The following MCU variants were observed in gnomAD, a reference collection of about 807,000 sequenced individuals.
The protein encoded by MCU is mitochondrial calcium uniporter.
MCU carries 12 observed loss-of-function variants against 45.2 expected under a neutral mutation model. The observed-to-expected ratio is 0.27, with a 90% confidence interval of 0.17 to 0.43. The LOEUF is 0.43. Ranked by LOEUF, MCU falls within the 20% of genes least tolerant of loss-of-function variation. The pLI is 1.00. For synonymous variants in MCU, 160 were observed against 165.1 expected (o/e 0.97, Z 0.24); for missense variants, 324 against 436.7 (o/e 0.74, Z 2.30).
At chr10:72,807,900 T>G (rs1442900301) in intron 1 of MCU, among the ~76,000 whole-genome samples, 3 of 152,264 alleles carry the variant, frequency 2.0e-5, no homozygotes, top group Non-Finnish European at 4.4e-5. Flanking sequence ...CTGTCCAGAT[T>G]CTGTTTACTT....
intron 1 of MCU, among the ~76,000 whole-genome samples, chr10:72,755,146 ATTT>A (rs11397520): frequency 2.4e-5 from 3 of 123,646 alleles, no homozygotes; most frequent in African/African-American, 3.1e-5. Context: ...TGAACCTGAG[ATTT>A]TTTTTTTTTT....
chr10:72,737,076 G>C (rs1843261368), intron 1 of MCU, among the ~76,000 whole-genome samples: 1 of 152,206 alleles, frequency 6.6e-6, no homozygotes, highest in Admixed American at 6.5e-5. Context: ...AATGGCCACA[G>C]ACATTTTTCT....
chr10:72,823,357 G>C (rs765235850), intron 1 of MCU, among the ~76,000 whole-genome samples: 1 of 152,166 alleles, frequency 6.6e-6, no homozygotes, highest in East Asian at 1.9e-4. Flanking sequence ...ATGCAAATAA[G>C]CATCTGCTGG....
At chr10:72,696,161 CA>C (rs58694098) in intron 1 of MCU, among the ~76,000 whole-genome samples, 395 of 30,646 alleles carry the variant, frequency 0.013, no homozygotes, top group Middle Eastern at 0.062. Flanking sequence ...AACTCCGACT[CA>C]AAAAAAAAAA....
At chr10:72,737,439 T>C (rs184535499) in intron 1 of MCU, among the ~76,000 whole-genome samples, 1 of 152,214 alleles carries the variant, frequency 6.6e-6, no homozygotes, top group Non-Finnish European at 1.5e-5. Flanking sequence ...TAATTTGAAA[T>C]GTAAAGAGAG....
intron 1 of MCU, among the ~76,000 whole-genome samples, chr10:72,807,386 A>G (rs1002969864): frequency 1.3e-5 from 2 of 152,004 alleles, no homozygotes; most frequent in Non-Finnish European, 2.9e-5. Context: ...AAAAAAAAAA[A>G]GTGACAGTGC....
At chr10:72,871,667 C>A in intron 6 of MCU, 87 bp downstream of exon 6, 1 of 1,164,392 alleles carries the variant, frequency 8.6e-7, no homozygotes, top group Non-Finnish European at 1.3e-6. Context: ...CTTCTAAAGC[C>A]AGTTTTCTTT....
chr10:72,878,392 A>T (rs564260005), intron 6 of MCU, among the ~76,000 whole-genome samples: 21 of 152,062 alleles, frequency 1.4e-4, no homozygotes, highest in African/African-American at 5.1e-4. Flanking sequence ...AAAGTGCTGG[A>T]TTACAGGCAT....
chr10:72,844,977 G>A (rs1845099497), intron 2 of MCU, among the ~76,000 whole-genome samples: 1 of 152,028 alleles, frequency 6.6e-6, no homozygotes, highest in Non-Finnish European at 1.5e-5. Context: ...ACATGAAAGA[G>A]TAAAGCTATA....
intron 1 of MCU, among the ~76,000 whole-genome samples, chr10:72,711,739 T>G (rs1842897441): frequency 1.6e-5 from 2 of 127,488 alleles, no homozygotes; most frequent in South Asian, 2.5e-4. Flanking sequence ...TGAGACAGAG[T>G]CTCACTCTGT....
intron 1 of MCU, among the ~76,000 whole-genome samples, chr10:72,774,122 A>G (rs754112634): frequency 6.6e-5 from 10 of 152,216 alleles, no homozygotes; most frequent in Admixed American, 2.0e-4. Flanking sequence ...TCTTACTGCA[A>G]TTGTGGTGTG....
chr10:72,699,836 C>A (rs542724963), intron 1 of MCU, among the ~76,000 whole-genome samples: 11 of 151,942 alleles, frequency 7.2e-5, no homozygotes, highest in Non-Finnish European at 1.5e-4. Flanking sequence ...AGATGATCTG[C>A]GTGTCTTGGC....
At chr10:72,811,464 GAAT>G (rs1264528775) in intron 1 of MCU, among the ~76,000 whole-genome samples, 1 of 152,164 alleles carries the variant, frequency 6.6e-6, no homozygotes, top group African/African-American at 2.4e-5. Flanking sequence ...CTACTAATCT[GAAT>G]AATAAGACTT....
chr10:72,859,469 CTT>C, intron 3 of MCU, 122 bp downstream of exon 3: 1 of 857,292 alleles, frequency 1.2e-6, no homozygotes, highest in East Asian at 2.7e-5. Context: ...CTTCAGAAAA[CTT>C]TTTTCTTTTG....
intron 1 of MCU, among the ~76,000 whole-genome samples, chr10:72,753,901 A>T (rs1843537656): frequency 6.6e-6 from 1 of 151,212 alleles, no homozygotes; most frequent in Non-Finnish European, 1.5e-5. Context: ...AAAAAACAAA[A>T]CACACACACA....
At chr10:72,860,126 C>A in intron 3 of MCU, 1 of 306,528 alleles carries the variant, frequency 3.3e-6, no homozygotes, top group South Asian at 4.0e-5. Context: ...AGTATTAAGC[C>A]CATACAGCTG....
At chr10:72,873,357 ACT>A (rs1845575436) in intron 6 of MCU, among the ~76,000 whole-genome samples, 2 of 151,544 alleles carry the variant, frequency 1.3e-5, no homozygotes, top group Admixed American at 1.3e-4. Context: ...ATGATTAGTG[ACT>A]CTGAGCATTT....
At chr10:72,784,667 C>G (rs1469683534) in intron 1 of MCU, among the ~76,000 whole-genome samples, 1 of 152,160 alleles carries the variant, frequency 6.6e-6, no homozygotes, top group Non-Finnish European at 1.5e-5. Context: ...GTCAAGGGAA[C>G]AGTCTCCTCA....
intron 2 of MCU, among the ~76,000 whole-genome samples, chr10:72,846,563 C>G (rs970543537): frequency 2.6e-5 from 4 of 152,238 alleles, no homozygotes; most frequent in African/African-American, 9.6e-5. Context: ...TTACTTAATA[C>G]TAACCCCCCA....
Sources: allele counts gnomAD v4.1 joint callset (sites outside exome capture counted in the v4.1 genomes callset), GRCh38; gene constraint gnomAD v4.1.1; transcripts MANE v1.5; gene names NCBI Gene and HGNC (gene_info 2026-07-23, HGNC 2026-07-21).